Variants in ZFPM2 observed in about 807,000 individuals in gnomAD.
The protein encoded by ZFPM2 is zinc finger protein ZFPM2.
In ZFPM2, 20 loss-of-function variants were observed where a neutral mutation model predicts 98.6. The ratio of observed to expected loss-of-function variants is 0.20; its 90% confidence interval spans 0.14 to 0.29. ZFPM2 has a LOEUF of 0.29. Among genes scored for constraint, ZFPM2 ranks in the 10% least tolerant of loss-of-function variants. The pLI is 1.00. For synonymous variants in ZFPM2, 518 were observed against 502.7 expected, an observed-to-expected ratio of 1.03 and a Z score of -0.41; for missense variants, 1,310 against 1,388.6, an observed-to-expected ratio of 0.94 and a Z score of 0.90.
At chr8:105,470,138 C>A (rs1045389471) in intron 3 of ZFPM2, among the ~76,000 whole-genome samples, 1 of 152,162 alleles carries the variant, frequency 6.6e-6, no homozygotes, top group African/African-American at 2.4e-5. Flanking sequence ...CTCTTCCTCT[C>A]TACTCTTCCT....
At chr8:105,324,644 G>A (rs1024121283) in intron 1 of ZFPM2, among the ~76,000 whole-genome samples, 8 of 151,804 alleles carry the variant, frequency 5.3e-5, no homozygotes, top group Non-Finnish European at 4.4e-5. Flanking sequence ...AACCAGGACA[G>A]ATCAACAATG....
chr8:105,434,764 A>G (rs1176125159), intron 2 of ZFPM2, among the ~76,000 whole-genome samples: 1 of 152,202 alleles, frequency 6.6e-6, no homozygotes. Context: ...TTCAATAGTT[A>G]TATTGTACAA....
At chr8:105,379,817 A>C (rs539736063) in intron 1 of ZFPM2, among the ~76,000 whole-genome samples, 1 of 152,084 alleles carries the variant, frequency 6.6e-6, no homozygotes, top group African/African-American at 2.4e-5. Flanking sequence ...AACACATGGT[A>C]TAGACCAATA....
chr8:105,709,785 A>C (rs1471491418), intron 5 of ZFPM2, among the ~76,000 whole-genome samples: 1 of 152,156 alleles, frequency 6.6e-6, no homozygotes, highest in East Asian at 1.9e-4. Context: ...AAAAGATACG[A>C]AAGTTTAAGC....
intron 1 of ZFPM2, among the ~76,000 whole-genome samples, chr8:105,330,560 A>ATATATATATACATG (rs1812198140): frequency 1.3e-5 from 1 of 77,630 alleles, no homozygotes; most frequent in African/African-American, 4.0e-5. Context: ...ATACATATAT[A>ATATATATATACATG]TATATATACA....
intron 4 of ZFPM2, among the ~76,000 whole-genome samples, chr8:105,601,634 C>T (rs867674415): frequency 4.6e-5 from 7 of 151,996 alleles, no homozygotes; most frequent in African/African-American, 1.7e-4. Flanking sequence ...TTTGTTCCCC[C>T]TATTTTTCTT....
chr8:105,422,902 A>G (rs1811833045), intron 2 of ZFPM2, among the ~76,000 whole-genome samples: 1 of 152,210 alleles, frequency 6.6e-6, no homozygotes, highest in Non-Finnish European at 1.5e-5. Flanking sequence ...ATAGCTTATT[A>G]TAAAGTTTCT....
intron 6 of ZFPM2, among the ~76,000 whole-genome samples, chr8:105,789,843 G>A (rs1272524053): frequency 1.3e-5 from 2 of 151,438 alleles, no homozygotes; most frequent in South Asian, 2.1e-4. Context: ...CAGTGATGGT[G>A]AGCATTTTTT....
intron 3 of ZFPM2, among the ~76,000 whole-genome samples, chr8:105,472,244 A>T (rs6994451): frequency 6.6e-6 from 1 of 152,238 alleles, no homozygotes; most frequent in African/African-American, 2.4e-5. Context: ...CATTATTTCC[A>T]TGGTACTACC....
intron 5 of ZFPM2, among the ~76,000 whole-genome samples, chr8:105,711,510 C>T (rs571015790): frequency 6.6e-6 from 1 of 152,192 alleles, no homozygotes; most frequent in East Asian, 1.9e-4. Context: ...CTCAAATCCT[C>T]TCTTCTAGAC....
At chr8:105,529,199 T>C (rs1814241118) in intron 3 of ZFPM2, among the ~76,000 whole-genome samples, 1 of 152,118 alleles carries the variant, frequency 6.6e-6, no homozygotes. Context: ...TGTCCTCAAC[T>C]CCTTTTCTTA....
At chr8:105,761,182 A>G (rs980034055) in intron 5 of ZFPM2, among the ~76,000 whole-genome samples, 7 of 152,002 alleles carry the variant, frequency 4.6e-5, no homozygotes, top group African/African-American at 1.7e-4. Context: ...CACAGATCCA[A>G]TGGAATGTAA....
intron 5 of ZFPM2, among the ~76,000 whole-genome samples, chr8:105,779,154 T>C (rs1486346094): frequency 1.3e-5 from 2 of 152,306 alleles, no homozygotes; most frequent in East Asian, 3.9e-4. Flanking sequence ...ATGCGGTTTG[T>C]TTGCTTGTTT....
intron 5 of ZFPM2, among the ~76,000 whole-genome samples, chr8:105,783,360 AT>A (rs1267414613): frequency 1.3e-5 from 2 of 151,818 alleles, no homozygotes; most frequent in Non-Finnish European, 2.9e-5. Context: ...GAAAAAAAAA[AT>A]GTAACCTCAT....
intron 4 of ZFPM2, among the ~76,000 whole-genome samples, chr8:105,594,482 T>C (rs750273181): frequency 3.3e-5 from 5 of 152,118 alleles, no homozygotes; most frequent in East Asian, 1.9e-4. Context: ...AGATTTTATG[T>C]ATAGTAAGTG....
At chr8:105,483,388 G>A (rs1227827235) in intron 3 of ZFPM2, among the ~76,000 whole-genome samples, 1 of 151,840 alleles carries the variant, frequency 6.6e-6, no homozygotes, top group Non-Finnish European at 1.5e-5. Flanking sequence ...TCAGGAGTTC[G>A]AGACCAGCTT....
At chr8:105,645,303 TTC>T (rs1236923412) in intron 5 of ZFPM2, among the ~76,000 whole-genome samples, 1 of 152,246 alleles carries the variant, frequency 6.6e-6, no homozygotes, top group Non-Finnish European at 1.5e-5. Flanking sequence ...AAGATTTATT[TTC>T]TCTGTTGTTC....
intron 5 of ZFPM2, among the ~76,000 whole-genome samples, chr8:105,742,040 A>C (rs1812226613): frequency 6.6e-6 from 1 of 152,018 alleles, no homozygotes; most frequent in South Asian, 2.1e-4. Flanking sequence ...AGTGAAGTTA[A>C]AGAATGTTGG....
At chr8:105,726,655 A>C (rs1303062434) in intron 5 of ZFPM2, among the ~76,000 whole-genome samples, 1 of 151,798 alleles carries the variant, frequency 6.6e-6, no homozygotes, top group Non-Finnish European at 1.5e-5. Flanking sequence ...ATGAGTTTAT[A>C]CTCAATCTCC....
Sources: gnomAD v4.1 joint callset for allele counts (sites outside exome capture counted in the v4.1 genomes callset) on GRCh38, gnomAD v4.1.1 for gene constraint, MANE v1.5 for transcripts, NCBI Gene and HGNC (gene_info 2026-07-23, HGNC 2026-07-21) for gene names.